Variants in IL19 observed in about 807,000 individuals in gnomAD.
IL19 encodes the protein interleukin 19.
In IL19, 15 loss-of-function variants were observed where a neutral mutation model predicts 19.5. The observed-to-expected ratio is 0.77, with a 90% CI of 0.52 to 1.19. IL19 has a LOEUF of 1.19. Among genes scored for constraint, IL19 ranks in the 50% most tolerant of loss-of-function variants. The probability of loss-of-function intolerance (pLI) is 0.00; values close to 1 mark genes in which losing one functional copy is unlikely to be tolerated. For missense variants in IL19, 199 were observed against 213.1 expected (o/e 0.93, Z 0.41); for synonymous variants, 78 against 78.3 (o/e 1.00, Z 0.02).
At chr1:206,821,182 T>C (rs1184049006) in intron 2 of IL19, among the ~76,000 whole-genome samples, 1 of 152,172 alleles carries the variant, frequency 6.6e-6, no homozygotes, top group Non-Finnish European at 1.5e-5. Flanking sequence ...TAAGATACAG[T>C]GGGTGCTCAA....
At chr1:206,822,781 G>T (rs948256101) in intron 2 of IL19, among the ~76,000 whole-genome samples, 1 of 152,062 alleles carries the variant, frequency 6.6e-6, no homozygotes, top group Admixed American at 6.5e-5. Flanking sequence ...CCAACGCTTC[G>T]GTGTCCCCCA....
chr1:206,840,694 CA>C (rs1676983583), intron 5 of IL19: 1 of 286,394 alleles, frequency 3.5e-6, no homozygotes, highest in Non-Finnish European at 6.6e-6. Flanking sequence ...TAACATTTAA[CA>C]AATGTTTGTT....
chr1:206,840,077 T>A, intron 5 of IL19, 75 bp downstream of exon 5: 1 of 1,518,458 alleles, frequency 6.6e-7, no homozygotes, highest in African/African-American at 1.4e-5. Flanking sequence ...CTGGCCCCCA[T>A]CGGCCTCCTG....
At chr1:206,834,432 C>G (rs1042781687) in intron 2 of IL19, 1 of 985,586 alleles carries the variant, frequency 1.0e-6, no homozygotes, top group Non-Finnish European at 1.2e-6. Context: ...ATCAGGGGCT[C>G]CTATGCACCG....
At chr1:206,784,402 C>G (rs558569250) in intron 1 of IL19, among the ~76,000 whole-genome samples, 2 of 152,214 alleles carry the variant, frequency 1.3e-5, no homozygotes, top group South Asian at 2.1e-4. Context: ...CAGGTCAGCA[C>G]AAGACCAGGC....
intron 2 of IL19, among the ~76,000 whole-genome samples, chr1:206,830,815 G>T (rs565426348): frequency 2.0e-5 from 3 of 152,298 alleles, no homozygotes; most frequent in Admixed American, 2.0e-4. Flanking sequence ...CTGACCTCGT[G>T]ATCCGCCCGC....
chr1:206,773,786 C>T (rs1258458158), intron 1 of IL19, among the ~76,000 whole-genome samples: 1 of 152,290 alleles, frequency 6.6e-6, no homozygotes, highest in Non-Finnish European at 1.5e-5. Context: ...GGGGCTTTGC[C>T]TGCCATTCCA....
chr1:206,837,986 C>T (rs1390471151), intron 4 of IL19, among the ~76,000 whole-genome samples: 1 of 152,110 alleles, frequency 6.6e-6, no homozygotes, highest in East Asian at 1.9e-4. Context: ...ATTTCTGTGG[C>T]TTAGGGGTAA....
intron 2 of IL19, among the ~76,000 whole-genome samples, chr1:206,807,159 G>C (rs1675868696): frequency 6.6e-6 from 1 of 152,136 alleles, no homozygotes; most frequent in Non-Finnish European, 1.5e-5. Flanking sequence ...CCACTATTAC[G>C]AGAACAGCAG....
At chr1:206,813,205 C>A (rs557537556) in intron 2 of IL19, among the ~76,000 whole-genome samples, 85 of 152,328 alleles carry the variant, frequency 5.6e-4, no homozygotes, top group African/African-American at 1.9e-3. Context: ...CTAAAAACCA[C>A]ATTTCTGCAT....
chr1:206,808,148 T>C (rs1675899678), intron 2 of IL19, among the ~76,000 whole-genome samples: 1 of 152,194 alleles, frequency 6.6e-6, no homozygotes, highest in Non-Finnish European at 1.5e-5. Flanking sequence ...CTGGCCAACA[T>C]GGCGAAACCC....
At chr1:206,797,245 CA>C (rs1413998049) in intron 1 of IL19, among the ~76,000 whole-genome samples, 2 of 150,292 alleles carry the variant, frequency 1.3e-5, no homozygotes, top group African/African-American at 4.9e-5. Flanking sequence ...GGGATTTTGC[CA>C]AGTCAGTCCT....
chr1:206,797,628 A>T (rs1327440390), intron 1 of IL19, among the ~76,000 whole-genome samples: 1 of 152,196 alleles, frequency 6.6e-6, no homozygotes, highest in Non-Finnish European at 1.5e-5. Context: ...CATTTTCCTG[A>T]TCTTTTTTCT....
At chr1:206,786,684 A>G (rs1032153860) in intron 1 of IL19, among the ~76,000 whole-genome samples, 5 of 152,034 alleles carry the variant, frequency 3.3e-5, no homozygotes, top group East Asian at 1.9e-4. Flanking sequence ...TGAGGCTGCT[A>G]TTGCCACTGT....
intron 1 of IL19, among the ~76,000 whole-genome samples, chr1:206,791,874 T>A (rs926138375): frequency 2.0e-5 from 3 of 152,228 alleles, no homozygotes; most frequent in Non-Finnish European, 4.4e-5. Context: ...TAGTTTTCAC[T>A]GGTAATATCC....
At chr1:206,814,571 G>C (rs957116834) in intron 2 of IL19, among the ~76,000 whole-genome samples, 1 of 150,898 alleles carries the variant, frequency 6.6e-6, no homozygotes, top group Non-Finnish European at 1.5e-5. Flanking sequence ...ACGGCCCCCT[G>C]TAATCCCAGC....
At chr1:206,801,588 G>A (rs1300157336) in intron 2 of IL19, among the ~76,000 whole-genome samples, 4 of 152,234 alleles carry the variant, frequency 2.6e-5, no homozygotes, top group African/African-American at 7.2e-5. Context: ...TTATCCTTCC[G>A]GTCAAAGTTC....
At chr1:206,821,395 T>C (rs1365918829) in intron 2 of IL19, among the ~76,000 whole-genome samples, 1 of 152,224 alleles carries the variant, frequency 6.6e-6, no homozygotes, top group Non-Finnish European at 1.5e-5. Flanking sequence ...TATAAGCATT[T>C]GTTGTTGCTA....
intron 1 of IL19, among the ~76,000 whole-genome samples, chr1:206,784,857 G>A (rs1675232133): frequency 6.6e-6 from 1 of 152,246 alleles, no homozygotes; most frequent in South Asian, 2.1e-4. Flanking sequence ...TGATGCCTGC[G>A]CGACGCAGGC....
Sources: gnomAD v4.1 joint callset for allele counts (sites outside exome capture counted in the v4.1 genomes callset) on GRCh38, gnomAD v4.1.1 for gene constraint, MANE v1.5 for transcripts, NCBI Gene and HGNC (gene_info 2026-07-23, HGNC 2026-07-21) for gene names.